Variants in ECT2L observed in about 807,000 individuals in gnomAD.
ECT2L encodes epithelial cell transforming 2 like, also known as epithelial cell-transforming sequence 2 oncogene-like.
ECT2L carries 126 observed loss-of-function variants against 122.8 expected under a neutral mutation model. The observed-to-expected ratio is 1.03, with a 90% CI of 0.89 to 1.19. The LOEUF is 1.19. Ranked by LOEUF, ECT2L falls within the 50% of genes most tolerant of loss-of-function variation. The pLI is 0.00. For synonymous variants in ECT2L, 385 were observed against 381.8 expected (o/e 1.01, Z -0.10); for missense variants, 1,012 against 1,064.1 (o/e 0.95, Z 0.68).
chr6:138,825,687 G>A (rs1011423280), intron 4 of ECT2L, among the ~76,000 whole-genome samples: 2 of 152,148 alleles, frequency 1.3e-5, no homozygotes, highest in Non-Finnish European at 2.9e-5. Flanking sequence ...ACACTTCTGT[G>A]CATTCGTATG....
intron 10 of ECT2L, among the ~76,000 whole-genome samples, chr6:138,857,102 C>G (rs1384790512): frequency 1.3e-5 from 2 of 152,206 alleles, no homozygotes; most frequent in African/African-American, 4.8e-5. Context: ...CACTTGGAAT[C>G]TAGCCCGTTG....
intron 16 of ECT2L, among the ~76,000 whole-genome samples, chr6:138,884,130 T>C (rs1028278666): frequency 3.3e-5 from 5 of 152,186 alleles, no homozygotes; most frequent in African/African-American, 1.2e-4. Flanking sequence ...TCTCCCAAAG[T>C]GCTGGGATTA....
intron 13 of ECT2L, among the ~76,000 whole-genome samples, chr6:138,869,263 A>C (rs1197654550): frequency 2.0e-5 from 3 of 152,242 alleles, no homozygotes; most frequent in Non-Finnish European, 2.9e-5. Context: ...CATATTCAAT[A>C]ATCTAAATTC....
chr6:138,801,928 G>A (rs377059525), intron 1 of ECT2L, among the ~76,000 whole-genome samples: 4 of 152,296 alleles, frequency 2.6e-5, no homozygotes, highest in Admixed American at 6.5e-5. Context: ...AAAATCTGGT[G>A]GTGGGCCAGA....
At chr6:138,828,232 G>A (rs1223010433) in intron 4 of ECT2L, among the ~76,000 whole-genome samples, 1 of 152,080 alleles carries the variant, frequency 6.6e-6, no homozygotes, top group Non-Finnish European at 1.5e-5. Flanking sequence ...TTTCCTCAAT[G>A]ACCTCATAAC....
At chr6:138,856,190 TACCCCCACCAC>T (rs1777603388) in intron 10 of ECT2L, among the ~76,000 whole-genome samples, 1 of 29,298 alleles carries the variant, frequency 3.4e-5, no homozygotes, top group African/African-American at 1.1e-4. Context: ...TGTACTCAAA[TACCCCCACCAC>T]AGCAATTCTT....
intron 4 of ECT2L, among the ~76,000 whole-genome samples, chr6:138,834,894 TACAC>T (rs544584441): frequency 0.034 from 4,687 of 137,336 alleles, 96 homozygotes; most frequent in Non-Finnish European, 0.041. Flanking sequence ...TGCCCCCGTT[TACAC>T]ACACACACAC....
At chr6:138,864,884 G>A (rs766347544) in intron 11 of ECT2L, 112 bp from the exon 12 acceptor site, 26 of 1,005,894 alleles carry the variant, frequency 2.6e-5, no homozygotes, top group Non-Finnish European at 3.4e-5. Context: ...AATGAGAAAC[G>A]ATAATAAACT....
chr6:138,899,391 T>C (rs183595237), intron 20 of ECT2L, among the ~76,000 whole-genome samples: 1 of 152,134 alleles, frequency 6.6e-6, no homozygotes, highest in African/African-American at 2.4e-5. Context: ...GTAGGGAAAA[T>C]CTTAGCATTT....
intron 1 of ECT2L, among the ~76,000 whole-genome samples, chr6:138,798,802 T>C (rs1336340015): frequency 6.6e-6 from 1 of 152,204 alleles, no homozygotes; most frequent in Admixed American, 6.5e-5. Context: ...CAACCTAATT[T>C]AATAGGTAGA....
At chr6:138,869,292 C>A (rs1778159939) in intron 13 of ECT2L, among the ~76,000 whole-genome samples, 1 of 152,342 alleles carries the variant, frequency 6.6e-6, no homozygotes, top group African/African-American at 2.4e-5. Context: ...CCAAGGAATT[C>A]TCAAGGAGAG....
chr6:138,880,651 C>G (rs1778613510), intron 14 of ECT2L, among the ~76,000 whole-genome samples: 1 of 152,182 alleles, frequency 6.6e-6, no homozygotes, highest in Non-Finnish European at 1.5e-5. Flanking sequence ...ACATGGCCAG[C>G]ACCAGCATAA....
At chr6:138,885,122 A>G (rs1778771267) in intron 16 of ECT2L, among the ~76,000 whole-genome samples, 1 of 144,432 alleles carries the variant, frequency 6.9e-6, no homozygotes, top group South Asian at 2.2e-4. Flanking sequence ...TCCGCCTCAC[A>G]GGTTCATGCC....
At chr6:138,862,863 TC>T (rs1777886995) in intron 11 of ECT2L, 144 bp downstream of exon 11, 5 of 580,342 alleles carry the variant, frequency 8.6e-6, no homozygotes, top group Non-Finnish European at 1.5e-5. Flanking sequence ...CGCTATTAGT[TC>T]CCAAACTAGG....
intron 10 of ECT2L, among the ~76,000 whole-genome samples, chr6:138,856,949 C>T (rs1426806233): frequency 6.6e-6 from 1 of 152,160 alleles, no homozygotes; most frequent in Non-Finnish European, 1.5e-5. Context: ...TTTTACTTCG[C>T]CAAGCAAACT....
chr6:138,797,805 G>T (rs1184635561), intron 1 of ECT2L, among the ~76,000 whole-genome samples: 1 of 151,982 alleles, frequency 6.6e-6, no homozygotes, highest in Non-Finnish European at 1.5e-5. Context: ...CTGACACTGT[G>T]TACCTGGAGT....
At chr6:138,798,777 C>T (rs915967724) in intron 1 of ECT2L, among the ~76,000 whole-genome samples, 1 of 152,144 alleles carries the variant, frequency 6.6e-6, no homozygotes, top group African/African-American at 2.4e-5. Context: ...TATTTGAATG[C>T]TTGTGGGTGA....
At chr6:138,853,071 G>A (rs563820890) in intron 9 of ECT2L, among the ~76,000 whole-genome samples, 8 of 152,196 alleles carry the variant, frequency 5.3e-5, no homozygotes, top group South Asian at 4.1e-4. Flanking sequence ...GGGTTCAAGC[G>A]ATTCTTCTGC....
At chr6:138,799,906 TCTGAAGATTCAATGAGCCAGTGTATGG>T (rs1775483145) in intron 1 of ECT2L, among the ~76,000 whole-genome samples, 1 of 152,214 alleles carries the variant, frequency 6.6e-6, no homozygotes, top group African/African-American at 2.4e-5. Flanking sequence ...CCAGGGTGAA[TCTGAAGATTCAATGAGCCAGTGTATGG>T]GGGAAGAGAT....
Sources: allele counts gnomAD v4.1 joint callset (sites outside exome capture counted in the v4.1 genomes callset), GRCh38; gene constraint gnomAD v4.1.1; transcripts MANE v1.5; gene names NCBI Gene and HGNC (gene_info 2026-07-23, HGNC 2026-07-21).